Variants in CCDC141 observed in about 807,000 individuals in gnomAD.
CCDC141 encodes coiled-coil domain containing 141.
A neutral mutation model predicts 181.0 loss-of-function variants in CCDC141; 168 were observed. That is an observed-to-expected ratio of 0.93 (90% confidence interval 0.82 to 1.05). CCDC141 has a LOEUF of 1.05. Ranked by LOEUF, CCDC141 falls within the 50% of genes least tolerant of loss-of-function variation. The probability of loss-of-function intolerance (pLI) is 0.00; values close to 1 mark genes in which losing one functional copy is unlikely to be tolerated. For synonymous variants in CCDC141, 666 were observed against 642.3 expected (o/e 1.04, Z -0.56); for missense variants, 1,902 against 1,788.5 (o/e 1.06, Z -1.14).
intron 8 of CCDC141, among the ~76,000 whole-genome samples, chr2:178,899,017 G>A (rs1687550211): frequency 6.6e-6 from 1 of 151,824 alleles, no homozygotes; most frequent in Non-Finnish European, 1.5e-5. Context: ...ATTTTTTTAA[G>A]CTCTTTATAT....
chr2:178,909,666 T>A (rs545622922), intron 7 of CCDC141, among the ~76,000 whole-genome samples: 104 of 152,292 alleles, frequency 6.8e-4, no homozygotes, highest in Middle Eastern at 3.4e-3. Flanking sequence ...TCACTTAATC[T>A]ACCCTCAAAA....
chr2:178,907,881 C>T (rs1660520187), intron 7 of CCDC141, among the ~76,000 whole-genome samples: 2 of 152,092 alleles, frequency 1.3e-5, no homozygotes, highest in South Asian at 4.2e-4. Flanking sequence ...TGCTTGTAAT[C>T]CCAGCAACTT....
chr2:178,966,590 T>C (rs1245727084), intron 4 of CCDC141, among the ~76,000 whole-genome samples: 1 of 151,988 alleles, frequency 6.6e-6, no homozygotes, highest in African/African-American at 2.4e-5. Context: ...GAAACCTCAT[T>C]TGAAGGTCAC....
chr2:178,836,912 G>C lies in CCDC141; in HGVS notation c.4307C>G (p.Pro1436Arg). The change falls in exon 23 of 24, where the codon CCA becomes CGA. Residue 1436 changes from proline to arginine, a missense_variant. Transcript: ENST00000443758. ...VTLEVEVTGF[P>R]EPTLTWYKKG... The stretch of plus-strand genomic sequence containing the variant: ...TACCCACCATGTCAGTGTAGGCTCT[G>C]GAAATCCTGTTACTTCAACTTCCAA... 6.2e-7 allele frequency: 1 copy of C among 1,612,272 alleles called. No homozygotes were observed.
intron 23 of CCDC141, chr2:178,836,144 T>C (rs936289207): frequency 1.3e-5 from 2 of 152,618 alleles, no homozygotes; most frequent in Non-Finnish European, 2.9e-5. Flanking sequence ...ATTTTCTAAA[T>C]GTTTAAAAGT....
intron 2 of CCDC141, among the ~76,000 whole-genome samples, chr2:178,979,472 A>C (rs1575294968): frequency 6.6e-6 from 1 of 152,350 alleles, no homozygotes; most frequent in Non-Finnish European, 1.5e-5. Context: ...AATGACAAGT[A>C]CATAATTAAA....
rs377611727 is a variant in CCDC141, at chr2:178,954,500, T to C, written c.780+6730A>G. 2.6e-5 allele frequency among the ~76,000 whole-genome samples: 4 copies of C among 152,346 alleles called. No homozygotes were observed. In the South Asian group the frequency reaches 8.3e-4, roughly 32 times the overall value. On this transcript the variant is annotated intron_variant, in intron 5 of 23. Transcript: ENST00000443758. ...ACTGTTTTCCTGCAATTGATGTGAA[T>C]CCTAAGTCCCCATCATGCTGGTCAC...
chr2:178,832,523 A>C lies in CCDC141; in HGVS notation c.*1650T>G, dbSNP rs1684299858. ...AAAAGATAGTTAAGAGAAATTTCCT[A>C]GAATGCTGTGTATACAAGCTTTTAA... On this transcript the variant is annotated 3_prime_UTR_variant, in exon 24 of 24. Coordinates refer to ENST00000443758, the MANE Select transcript of CCDC141 (RefSeq NM_173648.4). 1 of 151,452 alleles carries C rather than the reference A, an allele frequency of 6.6e-6. No homozygotes were observed. Among genetic ancestry groups the C allele is most frequent in the Admixed American group, 6.6e-5 (1 of 15,192 alleles). The allele number at this position is 151,452 out of a possible 1,614,324, so 9.4% of individuals were successfully genotyped here.
At chr2:179,044,757 G>C (rs560412735) in intron 2 of CCDC141, among the ~76,000 whole-genome samples, 2 of 152,176 alleles carry the variant, frequency 1.3e-5, no homozygotes, top group African/African-American at 4.8e-5. Context: ...TCATGAGAAC[G>C]CAAACTTCTG....
At chr2:178,932,387 A>C (rs569655660) in intron 6 of CCDC141, among the ~76,000 whole-genome samples, 1 of 152,198 alleles carries the variant, frequency 6.6e-6, no homozygotes, top group East Asian at 1.9e-4. Flanking sequence ...GAGGGCTGCC[A>C]TGCTGTATAC....
In CCDC141 at chr2:178,869,100, T is replaced by C; in HGVS notation, c.2394+17A>G. On this transcript the variant is annotated intron_variant, in intron 15 of 23. Coordinates refer to ENST00000443758, the MANE Select transcript of CCDC141 (RefSeq NM_173648.4). Reference sequence around the variant, plus strand: ...TTTAAAACTCAGGATTTTTCAGACATCCCTTCTAAGCCTTACCTCTTCCTT... The same window carrying C: ...TTTAAAACTCAGGATTTTTCAGACACCCCTTCTAAGCCTTACCTCTTCCTT... The C allele has an allele frequency of 6.8e-7, 1 of 1,476,134 alleles. No individual in the cohort carries two copies. The highest frequency in any genetic ancestry group is 9.0e-7 in the Non-Finnish European group (1 of 1,114,952). The allele number at this position is 1,476,134 out of a possible 1,614,324, so 91.4% of individuals were successfully genotyped here.
At chr2:178,974,966 A>G (rs1691053929) in intron 4 of CCDC141, 91 bp downstream of exon 4, 1 of 579,914 alleles carries the variant, frequency 1.7e-6, no homozygotes, top group Non-Finnish European at 2.9e-6. Context: ...AAATAGATCA[A>G]TTTAAAATAC....
chr2:179,011,604 C>T (rs1298149088), intron 2 of CCDC141, among the ~76,000 whole-genome samples: 1 of 152,054 alleles, frequency 6.6e-6, no homozygotes, highest in South Asian at 2.1e-4. Context: ...GGATTTAAAC[C>T]ATACCTTGGA....
In CCDC141 at chr2:178,837,447, G is replaced by C; in HGVS notation, c.3772C>G (p.Pro1258Ala). 1 of 1,614,068 alleles carries C rather than the reference G, an allele frequency of 6.2e-7. No homozygotes were observed. Among genetic ancestry groups the C allele is most frequent in the Non-Finnish European group, 8.5e-7 (1 of 1,179,976 alleles). The change falls in exon 23 of 24, where the codon CCA becomes GCA. Residue 1258 changes from proline to alanine, a missense_variant. Transcript: ENST00000443758. ...AGAACAGATTCCTGGGCATCCCCTG[G>C]GCTGCTGGTCCCAGCCTGCACCCCA... The part of the protein sequence containing the change: ...SYGVQAGTSS[P>A]GDAQESVLPP...
In CCDC141 at chr2:178,853,641, T is replaced by C. The variant is rs1216839478; in HGVS notation, c.3061-17A>G. The C allele has an allele frequency of 1.2e-6, 2 of 1,600,710 alleles. No homozygotes were observed. ...AAAATGACACTAAATTTAAATGGGA[T>C]AAAGCACAGATGAAAGAAATACCAT... On this transcript the variant is annotated splice_polypyrimidine_tract_variant and intron_variant, in intron 19 of 23. Transcript: ENST00000443758.
At chr2:178,854,880 A>G (rs1685317835) in intron 19 of CCDC141, among the ~76,000 whole-genome samples, 1 of 152,222 alleles carries the variant, frequency 6.6e-6, no homozygotes, top group East Asian at 1.9e-4. Context: ...TGTATACTCT[A>G]CCATTTATCT....
At chr2:179,011,997 C>T (rs2042283218) in intron 2 of CCDC141, among the ~76,000 whole-genome samples, 1 of 152,028 alleles carries the variant, frequency 6.6e-6, no homozygotes, top group South Asian at 2.1e-4. Context: ...GTTAATAGCT[C>T]TAAACACCTA....
chr2:178,950,568 G>C (rs960099886), intron 5 of CCDC141, among the ~76,000 whole-genome samples: 2 of 152,136 alleles, frequency 1.3e-5, no homozygotes, highest in Non-Finnish European at 2.9e-5. Flanking sequence ...ATGTGGATCG[G>C]GTTTCCATTT....
intron 2 of CCDC141, chr2:179,002,422 T>C (rs1028960143): frequency 1.4e-5 from 5 of 365,644 alleles, no homozygotes; most frequent in Admixed American, 3.6e-5. Context: ...GTTCCTGGAC[T>C]GACTGACACC....
Sources: gnomAD v4.1 joint callset for allele counts (sites outside exome capture counted in the v4.1 genomes callset) on GRCh38, gnomAD v4.1.1 for gene constraint, MANE v1.5 for transcripts, NCBI Gene and HGNC (gene_info 2026-07-23, HGNC 2026-07-21) for gene names.